Variants in FRMPD4 observed in about 807,000 individuals in gnomAD.
FRMPD4 encodes FERM and PDZ domain containing 4, also known as FERM and PDZ domain-containing protein 4.
In FRMPD4, 22 loss-of-function variants were observed where a neutral mutation model predicts 94.1. The ratio of observed to expected loss-of-function variants is 0.23; its 90% CI spans 0.17 to 0.33. The LOEUF (loss-of-function observed/expected upper bound fraction) is 0.33, where lower values mean the gene tolerates loss of function less well. Among genes scored for constraint, FRMPD4 ranks in the 10% least tolerant of loss-of-function variants. The pLI is 1.00. For synonymous variants in FRMPD4, 631 were observed against 548.6 expected (o/e 1.15, Z -2.10); for missense variants, 1,111 against 1,339.9 (o/e 0.83, Z 2.67).
rs144088214 is a variant in FRMPD4, at chrX:12,717,710, G to T, written c.2884G>T (p.Gly962Cys). The T allele has an allele frequency of 3.3e-6, 4 of 1,211,320 alleles. No homozygotes were observed. The highest frequency in any genetic ancestry group is 4.5e-6 in the Non-Finnish European group (4 of 894,865). ...EFPASKTPAG[G>C]LPPKSSHALA... is the part of the protein sequence containing the mutation. The stretch of plus-strand genomic sequence containing the variant: ...CCCGGCCTCCAAGACCCCCGCTGGG[G>T]GCTTGCCTCCAAAGTCCTCGCACGC... The change falls in exon 16 of 17, where the codon GGC (glycine) becomes TGC (cysteine). Residue 962 changes from glycine to cysteine, a missense_variant. This residue lies in a region of FRMPD4 where 551 missense variants were observed against 591.6 expected (regional missense o/e 0.93). Coordinates refer to ENST00000675598, the MANE Select transcript of FRMPD4 (RefSeq NM_001368397.1).
intron 3 of FRMPD4, among the ~76,000 whole-genome samples, chrX:12,064,230 T>C (rs2147463510): frequency 8.9e-6 from 1 of 112,751 alleles, no homozygotes; most frequent in South Asian, 3.6e-4. Flanking sequence ...TTCTAGGTAC[T>C]TTACATATGT....
intron 2 of FRMPD4, among the ~76,000 whole-genome samples, chrX:12,589,734 A>T (rs2058964339): frequency 8.9e-6 from 1 of 112,008 alleles, no homozygotes; most frequent in African/African-American, 3.2e-5. Context: ...ATAAAATAAT[A>T]CTTATAGGCA....
intron 3 of FRMPD4, among the ~76,000 whole-genome samples, chrX:12,016,300 C>T (rs2054604492): frequency 8.9e-6 from 1 of 111,919 alleles, no homozygotes; most frequent in Non-Finnish European, 1.9e-5. Context: ...TAATGCTCCT[C>T]TTATGAAGTG....
chrX:12,113,979 T>C (rs994475770), intron 3 of FRMPD4, among the ~76,000 whole-genome samples: 1 of 112,279 alleles, frequency 8.9e-6, no homozygotes, highest in Non-Finnish European at 1.9e-5. Context: ...CAGAGAACAT[T>C]AAATTATGAA....
chrX:12,510,266 A>G (rs979453560), intron 2 of FRMPD4, among the ~76,000 whole-genome samples: 3 of 112,633 alleles, frequency 2.7e-5, no homozygotes, highest in African/African-American at 6.5e-5. Context: ...GAACAAATAA[A>G]GGACATTAGG....
rs773088261 is a variant in FRMPD4 at position 12,212,027 on chromosome X, G to A, written c.41+73015G>A. Among the ~76,000 whole-genome samples the A allele has an allele frequency of 2.3e-4, 26 of 111,385 alleles. No homozygotes were observed. The South Asian group carries it at 2.6e-3, about 11-fold the overall frequency. Reference sequence around the variant, plus strand: ...TTCTAAACATTCCGGGTGTTGAGATGTTTATTACTGTGGCAGAAACTTCCA... The same window carrying A: ...TTCTAAACATTCCGGGTGTTGAGATATTTATTACTGTGGCAGAAACTTCCA... On this transcript the variant is annotated intron_variant, in intron 1 of 16. Transcript: ENST00000675598.
intron 4 of FRMPD4, among the ~76,000 whole-genome samples, chrX:12,672,336 C>T (rs1293644055): frequency 1.8e-5 from 2 of 111,781 alleles, no homozygotes; most frequent in Non-Finnish European, 3.8e-5. Flanking sequence ...TCCTTGGATT[C>T]TGTATATTTC....
intron 2 of FRMPD4, among the ~76,000 whole-genome samples, chrX:12,586,631 A>G (rs2058930797): frequency 8.9e-6 from 1 of 112,226 alleles, no homozygotes; most frequent in Non-Finnish European, 1.9e-5. Flanking sequence ...ATTCTACAGC[A>G]ACGATTCTCC....
Position 12,316,006 on chromosome X carries a change from G to T in FRMPD4, c.41+176994G>T, listed in dbSNP as rs917376578. Among the ~76,000 whole-genome samples, 3 of 111,946 alleles carry T rather than the reference G, an allele frequency of 2.7e-5. No individual in the cohort carries two copies. In the Admixed American group the frequency reaches 2.8e-4, roughly 11 times the overall value. The stretch of plus-strand genomic sequence containing the variant: ...GCCCAAAATATCAGTTATGCTGATG[G>T]TGAGAAACCCCTCTCTTTAGCCAAG... On this transcript the variant is annotated intron_variant, in intron 1 of 16. Coordinates refer to ENST00000675598, the MANE Select transcript of FRMPD4 (RefSeq NM_001368397.1).
At chrX:11,920,122 T>A (rs2054047071) in intron 3 of FRMPD4, among the ~76,000 whole-genome samples, 1 of 111,973 alleles carries the variant, frequency 8.9e-6, no homozygotes, top group Admixed American at 9.5e-5. Context: ...GTGTTTCTAA[T>A]AAAAATAGAG....
chrX:12,561,775 T>G (rs764827172), intron 2 of FRMPD4, among the ~76,000 whole-genome samples: 24 of 112,292 alleles, frequency 2.1e-4, no homozygotes, highest in Non-Finnish European at 1.1e-4. Flanking sequence ...GTTAGGAGTC[T>G]CCTGGTTGCA....
chrX:12,710,556 C>A lies in FRMPD4; in HGVS notation c.1609+19C>A. The A allele has an allele frequency of 8.5e-7, 1 of 1,179,052 alleles. No homozygotes were observed. Among genetic ancestry groups the A allele is most frequent in the Non-Finnish European group, 1.2e-6 (1 of 869,314 alleles). On this transcript the variant is annotated intron_variant, in intron 14 of 16. Coordinates refer to ENST00000675598, the MANE Select transcript of FRMPD4 (RefSeq NM_001368397.1). Reference sequence around the variant, plus strand: ...GAAACAGGTATTCTCTTCCTGAACTCATCAAGCACTGACCTCCCTGCAAAC... The same window carrying A: ...GAAACAGGTATTCTCTTCCTGAACTAATCAAGCACTGACCTCCCTGCAAAC...
intron 1 of FRMPD4, among the ~76,000 whole-genome samples, chrX:12,416,464 C>T (rs1391831050): frequency 1.8e-5 from 2 of 112,140 alleles, no homozygotes; most frequent in Non-Finnish European, 3.8e-5. Flanking sequence ...AGGCAGGGAG[C>T]TACTTCTTAA....
At chrX:11,995,056 C>CT (rs1278536759) in intron 3 of FRMPD4, among the ~76,000 whole-genome samples, 14 of 108,094 alleles carry the variant, frequency 1.3e-4, no homozygotes, top group Non-Finnish European at 1.4e-4. Flanking sequence ...CAACACTTCT[C>CT]TTTTTTTTCT....
chrX:12,381,513 GT>G (rs758743097), intron 1 of FRMPD4, among the ~76,000 whole-genome samples: 7 of 111,228 alleles, frequency 6.3e-5, no homozygotes, highest in African/African-American at 2.3e-4. Flanking sequence ...TTATTAAAGT[GT>G]TTTTTTTGGG....
At chrX:12,439,846 C>A (rs1418346624) in intron 1 of FRMPD4, among the ~76,000 whole-genome samples, 4 of 111,360 alleles carry the variant, frequency 3.6e-5, no homozygotes, top group Non-Finnish European at 7.5e-5. Context: ...TGGTTGTTAA[C>A]CGTTGGAACC....
chrX:12,548,201 G>A (rs188566833), intron 2 of FRMPD4, among the ~76,000 whole-genome samples: 2 of 112,042 alleles, frequency 1.8e-5, no homozygotes, highest in East Asian at 5.6e-4. Context: ...TGTCTGAAAA[G>A]TATCTTAACT....
At chrX:12,286,211 G>A (rs775848653) in intron 1 of FRMPD4, among the ~76,000 whole-genome samples, 1 of 111,450 alleles carries the variant, frequency 9.0e-6, no homozygotes, top group Non-Finnish European at 1.9e-5. Context: ...ACATCCAACT[G>A]TCCTTGACAG....
intron 1 of FRMPD4, among the ~76,000 whole-genome samples, chrX:12,278,279 AT>A (rs1366141364): frequency 9.0e-6 from 1 of 111,678 alleles, no homozygotes; most frequent in Non-Finnish European, 1.9e-5. Context: ...CCGGGGAATG[AT>A]TTTTTTCCCC....
Sources: gnomAD v4.1 joint callset for allele counts (sites outside exome capture counted in the v4.1 genomes callset) on GRCh38, gnomAD v4.1.1 for gene constraint, gnomAD v4.1.1 regional missense constraint, MANE v1.5 for transcripts, NCBI Gene and HGNC (gene_info 2026-07-23, HGNC 2026-07-21) for gene names.